The following CLCA2 variants were observed in gnomAD, a reference collection of about 807,000 sequenced individuals.
CLCA2 encodes the protein calcium-activated chloride channel regulator 2.
A neutral mutation model predicts 82.9 loss-of-function variants in CLCA2; 85 were observed. That is an observed-to-expected ratio of 1.03 (90% CI 0.86 to 1.23). The LOEUF (loss-of-function observed/expected upper bound fraction) is 1.23. CLCA2 is among the 50% of genes most tolerant of loss of function. The pLI is 0.00. For missense variants in CLCA2, 1,089 were observed against 1,124.8 expected, an observed-to-expected ratio of 0.97 and a Z score of 0.45; for synonymous variants, 421 against 391.7, an observed-to-expected ratio of 1.07 and a Z score of -0.88.
Position 86,428,495 on chromosome 1 carries a change from A to G in CLCA2, c.402A>G (p.Lys134=), listed in dbSNP as rs766724769. 38 of 1,613,796 alleles carry G rather than the reference A, an allele frequency of 2.4e-5. No homozygotes were observed. Among genetic ancestry groups the G allele is most frequent in the Non-Finnish European group, 3.1e-5 (37 of 1,179,774 alleles). ...PYTLQYRGCG[K]EGKYIHFTPN... Reference sequence around the variant, plus strand: ...CCCTACAATACAGAGGGTGTGGAAAAGAGGGAAAATACATTCATTTCACAC... The same window carrying G: ...CCCTACAATACAGAGGGTGTGGAAAGGAGGGAAAATACATTCATTTCACAC... Residue 134 remains lysine, a synonymous_variant, in exon 3 of 14, where the codon AAA becomes AAG. Coordinates refer to ENST00000370565, the MANE Select transcript of CLCA2 (RefSeq NM_006536.7).
intron 9 of CLCA2, 21 bp downstream of exon 9, chr1:86,441,564 A>G (rs755219834): frequency 2.6e-6 from 4 of 1,522,052 alleles, no homozygotes; most frequent in South Asian, 1.1e-5. Context: ...TCTCAATGTT[A>G]TATTTCCAGG....
rs1348479471 is a variant in CLCA2 at position 86,428,512 on chromosome 1, AT to A, written c.422del (p.Phe141SerfsTer7). ...RGCGKEGKYI[H>X]FTPNFLLNDN... is the part of the protein sequence containing the mutation. ...TGTGGAAAAGAGGGAAAATACATTCATTTCACACCTAATTTCCTACTGAATG... is the reference window on the plus strand; with the variant it reads ...TGTGGAAAAGAGGGAAAATACATTCATTCACACCTAATTTCCTACTGAATG... On this transcript the variant is annotated frameshift_variant, in exon 3 of 14. Coordinates refer to ENST00000370565, the MANE Select transcript of CLCA2 (RefSeq NM_006536.7). LOFTEE classifies it high-confidence loss of function. 1 of 1,613,778 alleles carries A rather than the reference AT, an allele frequency of 6.2e-7. No individual in the cohort carries two copies. Among genetic ancestry groups the A allele is most frequent in the African/African-American group, 1.3e-5 (1 of 75,030 alleles).
At chr1:86,425,581 A>T in intron 2 of CLCA2, 105 bp downstream of exon 2, 1 of 909,354 alleles carries the variant, frequency 1.1e-6, no homozygotes, top group East Asian at 3.0e-5. Context: ...ACAAATCATC[A>T]GTATTAACAA....
chr1:86,439,044 C>G lies in CLCA2; in HGVS notation c.1141C>G (p.Pro381Ala). The change falls in exon 7 of 14, where the codon CCC (proline) becomes GCC (alanine). Residue 381 changes from proline to alanine, a missense_variant. By Grantham distance (27) the Pro-to-Ala change is conservative (BLOSUM62 -1). Coordinates refer to ENST00000370565, the MANE Select transcript of CLCA2 (RefSeq NM_006536.7). ...TCGAAAGTTGCTGGTTTCATATCTG[C>G]CCACCACTGTATCAGCTAAAACAGA... Reference protein sequence around the residue: ...DDRKLLVSYLPTTVSAKTDIS... With the variant: ...DDRKLLVSYLATTVSAKTDIS... 3.7e-6 allele frequency: 6 copies of G among 1,614,090 alleles called. No homozygotes were observed. Among genetic ancestry groups the G allele is most frequent in the Non-Finnish European group, 5.1e-6 (6 of 1,179,980 alleles).
At chr1:86,429,068 A>G (rs1377876527) in intron 3 of CLCA2, among the ~76,000 whole-genome samples, 1 of 152,164 alleles carries the variant, frequency 6.6e-6, no homozygotes, top group East Asian at 1.9e-4. Context: ...GTCACCACTC[A>G]AGGTTTCTAA....
intron 5 of CLCA2, among the ~76,000 whole-genome samples, chr1:86,433,348 G>A (rs539423542): frequency 6.6e-6 from 1 of 152,268 alleles, no homozygotes; most frequent in Admixed American, 6.5e-5. Flanking sequence ...ATGCCTCTGT[G>A]GAGTTTTCTC....
intron 12 of CLCA2, among the ~76,000 whole-genome samples, chr1:86,452,662 T>C (rs1179656225): frequency 6.6e-6 from 1 of 152,172 alleles, no homozygotes; most frequent in Non-Finnish European, 1.5e-5. Context: ...AGCTGGACAG[T>C]TCCTACTCAA....
chr1:86,453,717 T>C, intron 13 of CLCA2, 115 bp downstream of exon 13: 1 of 903,424 alleles, frequency 1.1e-6, no homozygotes, highest in Non-Finnish European at 1.7e-6. Context: ...AGCTCTGAGT[T>C]GCTGATCAGG....
rs1292751901 is a variant in CLCA2, at chr1:86,455,175, A to T, written c.2480A>T (p.Asn827Ile). 3.1e-6 allele frequency: 5 copies of T among 1,613,660 alleles called. No homozygotes were observed. The highest frequency in any genetic ancestry group is 4.2e-6 in the Non-Finnish European group (5 of 1,179,674). ...NAILVNTSKR[N>I]PQQAGIREIF... ...ATTTTAGTAAATACATCAAAGCGAAATCCTCAGCAAGCTGGCATCAGGGAG... is the reference window on the plus strand; with the variant it reads ...ATTTTAGTAAATACATCAAAGCGAATTCCTCAGCAAGCTGGCATCAGGGAG... Residue 827 changes from asparagine (N) to isoleucine (I), a missense_variant, in exon 14 of 14, where the codon AAT (asparagine) becomes ATT (isoleucine). By Grantham distance (149) the Asn-to-Ile change is moderately radical (BLOSUM62 -3). Transcript: ENST00000370565.
At chr1:86,452,474 A>G (rs34816817) in intron 12 of CLCA2, among the ~76,000 whole-genome samples, 22,806 of 152,118 alleles carry the variant, frequency 0.15, 1,910 homozygotes, top group Middle Eastern at 0.18. Context: ...TCTTCCCTGC[A>G]GCATGTAACA....
Position 86,429,248 on chromosome 1 carries a change from CTG to C in CLCA2, c.475+681_475+682del, listed in dbSNP as rs1246550007. Among the ~76,000 whole-genome samples, 10 of 152,260 alleles carry C rather than the reference CTG, an allele frequency of 6.6e-5. No homozygotes were observed. In the South Asian group the frequency reaches 2.1e-3, roughly 32 times the overall value. On this transcript the variant is annotated intron_variant, in intron 3 of 13. Transcript: ENST00000370565. ...GATGGGAAGGATAGTAATAAGGACA[CTG>C]AGGATTTCCTATGCGCTAGCCGCTC... is the stretch of plus-strand genomic sequence containing the variant.
chr1:86,446,210 T>C (rs1662850053), intron 10 of CLCA2, among the ~76,000 whole-genome samples: 1 of 139,042 alleles, frequency 7.2e-6, no homozygotes, highest in South Asian at 2.4e-4. Flanking sequence ...TGGTGAGCTG[T>C]GGGAACTTTT....
intron 11 of CLCA2, 52 bp from the exon 12 acceptor site, chr1:86,450,511 T>C: frequency 7.2e-7 from 1 of 1,388,684 alleles, no homozygotes; most frequent in Non-Finnish European, 9.8e-7. Flanking sequence ...ACTTAAATAT[T>C]AGTAATCTAC....
At position 86,430,916 on chromosome 1, in the gene CLCA2, A is replaced by G; in HGVS notation, c.530A>G (p.Tyr177Cys). ...CTCCGTTGGGGTGTGTTCGATGAGT[A>G]TAACAATGACAAACCTTTCTACATA... ...AHLRWGVFDE[Y>C]NNDKPFYING... is the part of the protein sequence containing the mutation. Residue 177 changes from tyrosine to cysteine, a missense_variant, in exon 4 of 14, where the codon TAT (tyrosine) becomes TGT (cysteine). Physicochemically the swap from Tyr to Cys is radical, Grantham distance 194. Transcript: ENST00000370565. The G allele has an allele frequency of 7.4e-6, 12 of 1,613,842 alleles. No individual in the cohort carries two copies. The highest frequency in any genetic ancestry group is 1.3e-5 in the African/African-American group (1 of 75,032).
In CLCA2 at chr1:86,430,758, T is replaced by C. The variant is rs1008227331; in HGVS notation, c.476-104T>C. 5.9e-6 allele frequency: 5 copies of C among 846,288 alleles called. No homozygotes were observed. In the Admixed American group the frequency reaches 1.0e-4, roughly 17 times the overall value. 52.4% of individuals were successfully genotyped at this position (846,288 alleles called of 1,614,324 possible). Reference sequence around the variant, plus strand: ...GGAAGTAACTTAAACTCTTTGGTCATTCCAAAGAGTATGTGTGGTCAAGAA... The same window carrying C: ...GGAAGTAACTTAAACTCTTTGGTCACTCCAAAGAGTATGTGTGGTCAAGAA... On this transcript the variant is annotated intron_variant, in intron 3 of 13. Coordinates refer to ENST00000370565, the MANE Select transcript of CLCA2 (RefSeq NM_006536.7).
intron 13 of CLCA2, among the ~76,000 whole-genome samples, chr1:86,454,557 C>T (rs1220448449): frequency 6.6e-6 from 1 of 152,048 alleles, no homozygotes; most frequent in Non-Finnish European, 1.5e-5. Context: ...TTTGGGAGGC[C>T]GAGGCAGGTG....
At chr1:86,427,354 T>C (rs1662407750) in intron 2 of CLCA2, among the ~76,000 whole-genome samples, 1 of 152,162 alleles carries the variant, frequency 6.6e-6, no homozygotes, top group Admixed American at 6.5e-5. Context: ...CAGCCTTTTT[T>C]GTAGGTACTT....
intron 2 of CLCA2, among the ~76,000 whole-genome samples, chr1:86,426,316 A>T (rs1662384271): frequency 6.6e-6 from 1 of 152,134 alleles, no homozygotes; most frequent in African/African-American, 2.4e-5. Flanking sequence ...AGAATGACTC[A>T]AACATGTGGT....
chr1:86,445,903 A>C (rs1662842835), intron 10 of CLCA2, among the ~76,000 whole-genome samples: 1 of 152,218 alleles, frequency 6.6e-6, no homozygotes, highest in Admixed American at 6.5e-5. Flanking sequence ...CTCATCACAC[A>C]GTATCCTTCC....
Sources: allele counts gnomAD v4.1 joint callset (sites outside exome capture counted in the v4.1 genomes callset), GRCh38; gene constraint gnomAD v4.1.1; transcripts MANE v1.5; gene names NCBI Gene and HGNC (gene_info 2026-07-23, HGNC 2026-07-21).